The following SF3B4 variants were observed in gnomAD, a reference collection of about 807,000 sequenced individuals.
The protein encoded by SF3B4 is splicing factor 3b subunit 4.
A neutral mutation model predicts 34.3 loss-of-function variants in SF3B4; 3 were observed. The observed-to-expected ratio is 0.09, with a 90% CI of 0.04 to 0.23. The LOEUF (loss-of-function observed/expected upper bound fraction) is 0.23, where lower values mean the gene tolerates loss of function less well. Ranked by LOEUF, SF3B4 falls within the 10% of genes least tolerant of loss-of-function variation. SF3B4 has a pLI of 1.00. For missense variants in SF3B4, 283 were observed against 567.2 expected (o/e 0.50, Z 5.09); for synonymous variants, 216 against 207.8 (o/e 1.04, Z -0.34).
At chr1:149,927,489 G>T in intron 1 of SF3B4, 195 bp from the exon 2 acceptor site, 1 of 753,868 alleles carries the variant, frequency 1.3e-6, no homozygotes, top group Non-Finnish European at 2.1e-6. Context: ...ATTTAGTATT[G>T]TGAGTGGGTT....
At chr1:149,924,394 G>A (rs587648755) in intron 4 of SF3B4, among the ~76,000 whole-genome samples, 8 of 152,166 alleles carry the variant, frequency 5.3e-5, no homozygotes, top group African/African-American at 1.9e-4. Context: ...CCAAAACTAC[G>A]CCACTGCACT....
chr1:149,927,064 G>T, intron 2 of SF3B4, 102 bp downstream of exon 2: 1 of 1,511,818 alleles, frequency 6.6e-7, no homozygotes, highest in South Asian at 1.2e-5. Flanking sequence ...CTGAAGAGAG[G>T]CTTAAAAGAA....
At position 149,925,921 on chromosome 1, in the gene SF3B4, T is replaced by A; in HGVS notation, c.828A>T (p.Pro276=). The change falls in exon 4 of 6, where the codon CCA becomes CCT. Residue 276 remains proline (P), a synonymous_variant. Coordinates refer to ENST00000271628, the MANE Select transcript of SF3B4 (RefSeq NM_005850.5). ...MPPGAAGHGP[P]SAGTPGAGHP... is the part of the protein sequence containing the mutation. Reference sequence around the variant, plus strand: ...GTCCTGCCCCTGGGGTTCCTGCCGATGGGGGGCCATGTCCTGCAGCCCCAG... The same window carrying A: ...GTCCTGCCCCTGGGGTTCCTGCCGAAGGGGGGCCATGTCCTGCAGCCCCAG... 1 of 1,581,512 alleles carries A rather than the reference T, an allele frequency of 6.3e-7. No homozygotes were observed. The highest frequency in any genetic ancestry group is 8.6e-7 in the Non-Finnish European group (1 of 1,161,218).
rs141832701 is a variant in SF3B4 at position 149,926,845 on chromosome 1, G to A, written c.237C>T (p.Leu79=). 2 of 1,614,134 alleles carry A rather than the reference G, an allele frequency of 1.2e-6. No individual in the cohort carries two copies. The highest frequency in any genetic ancestry group is 1.7e-6 in the Non-Finnish European group (2 of 1,180,026). Residue 79 remains leucine, a synonymous_variant, in exon 3 of 6, where the codon CTC becomes CTT. Transcript: ENST00000271628. This position sits in a 1 kb window ranked among gnomAD's most constrained non-coding sequence, Gnocchi z 6.2. ...TGTTCACCCGTATTGGCTTCCCATAGAGTTTGATCATGTTCATGATCTTAA... is the reference window on the plus strand; with the variant it reads ...TGTTCACCCGTATTGGCTTCCCATAAAGTTTGATCATGTTCATGATCTTAA... ...YAIKIMNMIK[L]YGKPIRVNKA...
chr1:149,926,349 C>T lies in SF3B4; in HGVS notation c.706+27G>A, dbSNP rs782659346. On this transcript the variant is annotated intron_variant, in intron 3 of 5. Transcript: ENST00000271628. The surrounding 1 kb of genome is among the most constrained non-coding windows in gnomAD (Gnocchi z 6.2). ...CTGACCCTCTCCCCCAACCTTAAGA[C>T]AAACATATTTTAACCAAAAGCTTTA... is the stretch of plus-strand genomic sequence containing the variant. 6.4e-7 allele frequency: 1 copy of T among 1,574,106 alleles called. No homozygotes were observed. Among genetic ancestry groups the T allele is most frequent in the Non-Finnish European group, 8.6e-7 (1 of 1,156,694 alleles).
In SF3B4 at chr1:149,923,672, G is replaced by C. The variant is rs782731281; in HGVS notation, c.1145C>G (p.Pro382Arg). Reference sequence around the variant, plus strand: ...TCGTGGAGGGCCAGTGTATCCATGGGGGGGCATCAGTGGAGGAGGTCCACG... The same window carrying C: ...TCGTGGAGGGCCAGTGTATCCATGGCGGGGCATCAGTGGAGGAGGTCCACG... ...GMRGPPPLMP[P>R]HGYTGPPRPP... The change falls in exon 6 of 6, where the codon CCC (proline) becomes CGC (arginine). Residue 382 changes from proline to arginine, a missense_variant. Coordinates refer to ENST00000271628, the MANE Select transcript of SF3B4 (RefSeq NM_005850.5). The C allele has an allele frequency of 6.5e-7, 1 of 1,527,850 alleles. No individual in the cohort carries two copies. The highest frequency in any genetic ancestry group is 8.7e-7 in the Non-Finnish European group (1 of 1,148,900). The allele number at this position is 1,527,850 out of a possible 1,614,324, so 94.6% of individuals were successfully genotyped here. A position where few individuals can be genotyped will look rare whatever the true frequency, so the allele number is the denominator to read the frequency against.
chr1:149,927,668 T>G, intron 1 of SF3B4, 58 bp downstream of exon 1: 1 of 1,544,692 alleles, frequency 6.5e-7, no homozygotes, highest in Non-Finnish European at 8.8e-7. Flanking sequence ...CACTGCTGGC[T>G]GTAGTCGGGG....
At chr1:149,924,235 G>A (rs1051832183) in intron 4 of SF3B4, among the ~76,000 whole-genome samples, 1 of 152,152 alleles carries the variant, frequency 6.6e-6, no homozygotes, top group Non-Finnish European at 1.5e-5. Context: ...AGGAGTTCAA[G>A]AACAGCCTGG....
intron 4 of SF3B4, 48 bp from the exon 5 acceptor site, chr1:149,924,062 G>A (rs1553765700): frequency 3.4e-5 from 48 of 1,431,328 alleles, no homozygotes; most frequent in Non-Finnish European, 4.1e-5. Flanking sequence ...AAGAGAAGGA[G>A]GCAAAGAAAA....
At chr1:149,925,353 A>C (rs1234798432) in intron 4 of SF3B4, among the ~76,000 whole-genome samples, 1 of 152,198 alleles carries the variant, frequency 6.6e-6, no homozygotes, top group African/African-American at 2.4e-5. Flanking sequence ...TATATGCAGA[A>C]AAGAGAAACA....
intron 4 of SF3B4, chr1:149,925,565 C>T: frequency 2.4e-6 from 1 of 416,176 alleles, no homozygotes; most frequent in South Asian, 2.7e-5. Context: ...GCAATTAGGT[C>T]ACCACTTTGA....
rs1553765953 is a variant in SF3B4, at chr1:149,925,923, G to A, written c.826C>T (p.Pro276Ser). The A allele has an allele frequency of 3.2e-6, 5 of 1,582,978 alleles. No individual in the cohort carries two copies. The South Asian group carries it at 5.8e-5, about 18-fold the overall frequency. ...MPPGAAGHGP[P>S]SAGTPGAGHP... ...CCTGCCCCTGGGGTTCCTGCCGATG[G>A]GGGGCCATGTCCTGCAGCCCCAGGA... Residue 276 changes from proline (P) to serine (S), a missense_variant, in exon 4 of 6, where the codon CCA (proline) becomes TCA (serine). Transcript: ENST00000271628.
intron 2 of SF3B4, 21 bp downstream of exon 2, chr1:149,927,145 C>T (rs782629859): frequency 5.6e-6 from 9 of 1,611,882 alleles, no homozygotes; most frequent in Non-Finnish European, 4.2e-6. Context: ...GGGAGCAATT[C>T]GCCCCTTGTC....
In SF3B4 at chr1:149,926,472, C is replaced by A. The variant is rs1454524681; in HGVS notation, c.610G>T (p.Ala204Ser). ...LLAAQNPLSQ[A>S]DRPHQLFADA... ...GCAAACAGCTGATGAGGGCGATCAG[C>A]CTGGGAGAGCGGGTTCTGAGCTGCC... The change falls in exon 3 of 6, where the codon GCT (alanine) becomes TCT (serine). Residue 204 changes from alanine (A) to serine (S), a missense_variant. Physicochemically the swap from Ala to Ser is moderately conservative, Grantham distance 99 (BLOSUM62 1). Transcript: ENST00000271628. This position sits in a 1 kb window ranked among gnomAD's most constrained non-coding sequence, Gnocchi z 6.2. The A allele has an allele frequency of 3.1e-6, 5 of 1,614,076 alleles. No individual in the cohort carries two copies. Among genetic ancestry groups the A allele is most frequent in the Non-Finnish European group, 4.2e-6 (5 of 1,180,036 alleles).
Position 149,927,706 on chromosome 1 carries a change from G to C in SF3B4, c.34+20C>G, listed in dbSNP as rs1203890252. On this transcript the variant is annotated intron_variant, in intron 1 of 5. Transcript: ENST00000271628. ...TCCTAGCCACGCTGAGCCCATTCCA[G>C]ACTTTCCCCCTCCAGTTACCCTGAT... The C allele has an allele frequency of 6.4e-7, 1 of 1,552,430 alleles. No homozygotes were observed. The highest frequency in any genetic ancestry group is 8.7e-7 in the Non-Finnish European group (1 of 1,147,396).
Position 149,926,144 on chromosome 1 carries a change from C to A in SF3B4, c.707-102G>T. 1 of 696,294 alleles carries A rather than the reference C, an allele frequency of 1.4e-6. No individual in the cohort carries two copies. Among genetic ancestry groups the A allele is most frequent in the Non-Finnish European group, 2.4e-6 (1 of 419,694 alleles). 43.1% of individuals were successfully genotyped at this position (696,294 alleles called of 1,614,324 possible). A position where few individuals can be genotyped will look rare whatever the true frequency, so the allele number is the denominator to read the frequency against. On this transcript the variant is annotated intron_variant, in intron 3 of 5. Coordinates refer to ENST00000271628, the MANE Select transcript of SF3B4 (RefSeq NM_005850.5). This position sits in a 1 kb window ranked among gnomAD's most constrained non-coding sequence, Gnocchi z 6.2. The stretch of plus-strand genomic sequence containing the variant: ...CCTCTCCAGGCAGGGTGAGCTCTTT[C>A]CCCCTCCTCCCAGTGCTCTAAAATC...
chr1:149,925,930 A>G lies in SF3B4; in HGVS notation c.819T>C (p.His273=). Residue 273 remains histidine, a synonymous_variant, in exon 4 of 6, where the codon CAT becomes CAC. Coordinates refer to ENST00000271628, the MANE Select transcript of SF3B4 (RefSeq NM_005850.5). ...PPPMPPGAAG[H]GPPSAGTPGA... ...CTGGGGTTCCTGCCGATGGGGGGCC[A>G]TGTCCTGCAGCCCCAGGAGGCATAG... is the stretch of plus-strand genomic sequence containing the variant. 3.2e-6 allele frequency: 5 copies of G among 1,575,756 alleles called. No homozygotes were observed. Among genetic ancestry groups the G allele is most frequent in the Non-Finnish European group, 3.5e-6 (4 of 1,157,990 alleles).
Position 149,923,683 on chromosome 1 carries a change from T to C in SF3B4, c.1134A>G (p.Pro378=). 6.6e-7 allele frequency: 1 copy of C among 1,525,230 alleles called. No homozygotes were observed. Among genetic ancestry groups the C allele is most frequent in the Non-Finnish European group, 8.7e-7 (1 of 1,147,380 alleles). 94.5% of individuals were successfully genotyped at this position (1,525,230 alleles called of 1,614,324 possible). Reference sequence around the variant, plus strand: ...CAGTGTATCCATGGGGGGGCATCAGTGGAGGAGGTCCACGCATACCATGCG... The same window carrying C: ...CAGTGTATCCATGGGGGGGCATCAGCGGAGGAGGTCCACGCATACCATGCG... The part of the protein sequence containing the change: ...MPPHGMRGPP[P]LMPPHGYTGP... The change falls in exon 6 of 6, where the codon CCA becomes CCG. Residue 378 remains proline (P), a synonymous_variant. Coordinates refer to ENST00000271628, the MANE Select transcript of SF3B4 (RefSeq NM_005850.5).
intron 1 of SF3B4, 44 bp from the exon 2 acceptor site, chr1:149,927,338 G>C: frequency 6.2e-7 from 1 of 1,603,010 alleles, no homozygotes; most frequent in Non-Finnish European, 8.5e-7. Context: ...GAGTGTAACG[G>C]GAAGGAAGGA....
Sources: allele counts gnomAD v4.1 joint callset (sites outside exome capture counted in the v4.1 genomes callset), GRCh38; gene constraint gnomAD v4.1.1; non-coding constraint Gnocchi (gnomAD v3.1); transcripts MANE v1.5; gene names NCBI Gene and HGNC (gene_info 2026-07-23, HGNC 2026-07-21).